The following RYR2 variants were observed in gnomAD, a reference collection of about 807,000 sequenced individuals.
RYR2 encodes ryanodine receptor 2.
RYR2 carries 227 observed loss-of-function variants against 601.1 expected under a neutral mutation model. That is an observed-to-expected ratio of 0.38 (90% CI 0.34 to 0.42). The LOEUF is 0.42. Ranked by LOEUF, RYR2 falls within the 10% of genes least tolerant of loss-of-function variation. RYR2 has a pLI of 1.00. For missense variants in RYR2, 4,646 were observed against 6,156.5 expected, an observed-to-expected ratio of 0.75 and a Z score of 8.21; for synonymous variants, 2,223 against 2,175.1, an observed-to-expected ratio of 1.02 and a Z score of -0.61.
At chr1:237,518,656 T>A (rs1666797576) in intron 24 of RYR2, among the ~76,000 whole-genome samples, 1 of 152,250 alleles carries the variant, frequency 6.6e-6, no homozygotes, top group Non-Finnish European at 1.5e-5. Context: ...TATCCATTCA[T>A]CCATTGATGG....
chr1:237,197,271 AGTG>A (rs1257489630), intron 1 of RYR2, among the ~76,000 whole-genome samples: 3 of 152,168 alleles, frequency 2.0e-5, no homozygotes, highest in Non-Finnish European at 4.4e-5. Context: ...GTTCAACAGA[AGTG>A]GTAAAAAGCA....
intron 16 of RYR2, among the ~76,000 whole-genome samples, chr1:237,464,291 G>T (rs1022123381): frequency 6.6e-6 from 1 of 151,960 alleles, no homozygotes; most frequent in African/African-American, 2.4e-5. Flanking sequence ...TTTTATTGTC[G>T]TCTATTTTTT....
chr1:237,406,393 A>G (rs1703907884), intron 10 of RYR2, among the ~76,000 whole-genome samples: 1 of 151,596 alleles, frequency 6.6e-6, no homozygotes, highest in African/African-American at 2.4e-5. Context: ...TAGAATATGA[A>G]TGGTAAACAA....
At position 237,503,405 on chromosome 1, in the gene RYR2, G is replaced by A. The variant is rs764043352; in HGVS notation, c.2513G>A (p.Arg838Gln). The A allele has an allele frequency of 2.5e-6, 4 of 1,613,792 alleles. No homozygotes were observed. The highest frequency in any genetic ancestry group is 1.3e-5 in the African/African-American group (1 of 74,878). ...PKEKLKVEHS[R>Q]EYKQERTYTR... ...GAAAAGTTGAAAGTGGAACACAGCCGAGAGTACAAGCAAGAAAGAACTTAC... is the reference window on the plus strand; with the variant it reads ...GAAAAGTTGAAAGTGGAACACAGCCAAGAGTACAAGCAAGAAAGAACTTAC... Residue 838 changes from arginine (R) to glutamine (Q), a missense_variant, in exon 22 of 105, where the codon CGA becomes CAA. This residue lies in a region of RYR2 where 1,807 missense variants were observed against 2,088.1 expected (regional missense o/e 0.87). Coordinates refer to ENST00000366574, the MANE Select transcript of RYR2 (RefSeq NM_001035.3).
At chr1:237,474,938 C>T (rs190823608) in intron 17 of RYR2, among the ~76,000 whole-genome samples, 107 of 152,312 alleles carry the variant, frequency 7.0e-4, no homozygotes, top group African/African-American at 2.4e-3. Context: ...TGCAGCTGAA[C>T]ACCATGTTGA....
At chr1:237,338,867 G>T (rs1367502986) in intron 3 of RYR2, among the ~76,000 whole-genome samples, 1 of 152,210 alleles carries the variant, frequency 6.6e-6, no homozygotes, top group East Asian at 1.9e-4. Context: ...AGCACATTGG[G>T]GTAATGTGGA....
intron 99 of RYR2, 105 bp downstream of exon 99, chr1:237,806,388 T>G: frequency 8.5e-7 from 1 of 1,177,660 alleles, no homozygotes; most frequent in Non-Finnish European, 1.2e-6. Flanking sequence ...GTTTTAAAGA[T>G]TTTTTTGAAG....
chr1:237,208,942 A>G (rs1289929625), intron 1 of RYR2, among the ~76,000 whole-genome samples: 9,497 of 39,540 alleles, frequency 0.24, 722 homozygotes, highest in Non-Finnish European at 0.27. Flanking sequence ...GTGTGTATAT[A>G]TATATATATA....
At chr1:237,482,173 CT>C (rs1422642418) in intron 17 of RYR2, among the ~76,000 whole-genome samples, 1 of 152,116 alleles carries the variant, frequency 6.6e-6, no homozygotes, top group African/African-American at 2.4e-5. Flanking sequence ...AGCATTTCTT[CT>C]TTGAGTTACA....
Position 237,565,121 on chromosome 1 carries a change from TTCTTTC to T in RYR2, c.3215-1444_3215-1439del, listed in dbSNP as rs1671847100. Among the ~76,000 whole-genome samples the T allele has an allele frequency of 7.1e-5, 8 of 111,904 alleles. 2 individuals carry two copies. The South Asian group carries it at 9.5e-4, about 13-fold the overall frequency. 73.4% of individuals were successfully genotyped at this position (111,904 alleles called of 152,430 possible). A position where few individuals can be genotyped will look rare whatever the true frequency, so the allele number is the denominator to read the frequency against. ...TTTTCTTTTCTTTCTTTCTTTTTCT[TTCTTTC>T]TTTCTTTCTTTCTTTTTCTTTCTTT... On this transcript the variant is annotated intron_variant, in intron 27 of 104. Transcript: ENST00000366574.
At chr1:237,503,135 A>G (rs1471581164) in intron 21 of RYR2, among the ~76,000 whole-genome samples, 154 bp from the exon 22 acceptor site, 4 of 152,292 alleles carry the variant, frequency 2.6e-5, no homozygotes, top group Middle Eastern at 3.4e-3. Context: ...AGGCCCTTGA[A>G]TTCTAAGGTG....
intron 1 of RYR2, among the ~76,000 whole-genome samples, chr1:237,156,878 C>G (rs1675401311): frequency 6.6e-6 from 1 of 152,066 alleles, no homozygotes; most frequent in South Asian, 2.1e-4. Context: ...ATCAAAAAGA[C>G]AAAATAATAG....
intron 1 of RYR2, among the ~76,000 whole-genome samples, chr1:237,098,576 A>C (rs1033596468): frequency 6.6e-6 from 1 of 152,250 alleles, no homozygotes; most frequent in African/African-American, 2.4e-5. Context: ...GTATATATAC[A>C]CAGTGGAATA....
At chr1:237,660,782 C>G in intron 55 of RYR2, 28 bp from the exon 56 acceptor site, 2 of 1,523,524 alleles carry the variant, frequency 1.3e-6, no homozygotes, top group Non-Finnish European at 1.8e-6. Context: ...CATAATATAT[C>G]TGTTGTTTCT....
At chr1:237,332,879 G>T (rs1696884413) in intron 3 of RYR2, among the ~76,000 whole-genome samples, 1 of 152,094 alleles carries the variant, frequency 6.6e-6, no homozygotes, top group African/African-American at 2.4e-5. Flanking sequence ...ATGGGGTCTT[G>T]CTATATGGCC....
intron 3 of RYR2, among the ~76,000 whole-genome samples, chr1:237,354,537 A>G (rs530907136): frequency 9.9e-5 from 15 of 152,244 alleles, no homozygotes; most frequent in African/African-American, 3.6e-4. Context: ...TAATTTTTTT[A>G]GATTTTTTTG....
rs141514015 is a variant in RYR2, at chr1:237,679,100, G to A, written c.8895+988G>A. ...TTTGAAGATCCAAAGTTTGTCCTGGGGTGCACATAGTTAGCGATTCATGAA... is the reference window on the plus strand; with the variant it reads ...TTTGAAGATCCAAAGTTTGTCCTGGAGTGCACATAGTTAGCGATTCATGAA... On this transcript the variant is annotated intron_variant, in intron 61 of 104. Transcript: ENST00000366574. 4.9e-3 allele frequency among the ~76,000 whole-genome samples: 751 copies of A among 152,036 alleles called. 4 individuals carry two copies. Among genetic ancestry groups the A allele is most frequent in the South Asian group, 0.02 (96 of 4,808 alleles).
chr1:237,437,132 C>T (rs2150128652), intron 12 of RYR2, among the ~76,000 whole-genome samples: 1 of 151,914 alleles, frequency 6.6e-6, no homozygotes, highest in Non-Finnish European at 1.5e-5. Flanking sequence ...GCAAGCTCTG[C>T]CTCCTGGGTT....
intron 2 of RYR2, among the ~76,000 whole-genome samples, chr1:237,299,763 T>C (rs1558579837): frequency 6.6e-6 from 1 of 152,208 alleles, no homozygotes; most frequent in African/African-American, 2.4e-5. Flanking sequence ...TCACAGCACA[T>C]GTGGTGCTGT....
Sources: gnomAD v4.1 joint callset for allele counts (sites outside exome capture counted in the v4.1 genomes callset) on GRCh38, gnomAD v4.1.1 for gene constraint, gnomAD v4.1.1 regional missense constraint, MANE v1.5 for transcripts, NCBI Gene and HGNC (gene_info 2026-07-23, HGNC 2026-07-21) for gene names.